Variants in RBFOX1 observed in about 807,000 individuals in gnomAD.
RBFOX1 encodes the protein RNA binding fox-1 homolog 1, also known as RNA binding protein fox-1 homolog 1.
In RBFOX1, 8 loss-of-function variants were observed where a neutral mutation model predicts 57.7. The ratio of observed to expected loss-of-function variants is 0.14; its 90% CI spans 0.08 to 0.25. RBFOX1 has a LOEUF of 0.25. RBFOX1 is among the 10% of genes least tolerant of loss of function. The probability of loss-of-function intolerance (pLI) is 1.00; values close to 1 mark genes in which losing one functional copy is unlikely to be tolerated. For synonymous variants in RBFOX1, 326 were observed against 222.4 expected (o/e 1.47, Z -4.15); for missense variants, 611 against 548.5 (o/e 1.11, Z -1.14).
At chr16:7,246,274 C>G (rs1359412140) in intron 4 of RBFOX1, among the ~76,000 whole-genome samples, 3 of 152,130 alleles carry the variant, frequency 2.0e-5, no homozygotes, top group African/African-American at 7.2e-5. Flanking sequence ...CCAATGCAAT[C>G]CAATTGCCTC....
At chr16:6,495,200 C>G (rs1389875668) in intron 2 of RBFOX1, among the ~76,000 whole-genome samples, 3 of 152,160 alleles carry the variant, frequency 2.0e-5, no homozygotes, top group African/African-American at 4.8e-5. Flanking sequence ...CTCATTGCAA[C>G]TTCTGCCTCC....
At chr16:6,056,166 A>G (rs1034212363) in intron 1 of RBFOX1, among the ~76,000 whole-genome samples, 4 of 152,132 alleles carry the variant, frequency 2.6e-5, no homozygotes, top group African/African-American at 7.2e-5. Context: ...CAGCTCCCCA[A>G]GGTGTTTGTC....
At chr16:7,310,568 C>G (rs1359937543) in intron 4 of RBFOX1, among the ~76,000 whole-genome samples, 1 of 152,124 alleles carries the variant, frequency 6.6e-6, no homozygotes, top group East Asian at 1.9e-4. Flanking sequence ...TTGTCATGGT[C>G]CAGTATTTCT....
rs1033704368 is a variant in RBFOX1, at chr16:6,749,172, G to T, written c.-16+94522G>T. Among the ~76,000 whole-genome samples the T allele has an allele frequency of 3.9e-5, 6 of 152,174 alleles. No homozygotes were observed. In the East Asian group the frequency reaches 1.2e-3, roughly 29 times the overall value. On this transcript the variant is annotated intron_variant, in intron 3 of 15. Transcript: ENST00000550418. ...TCGAGAGAAAAAGTTATGGTCTCAGGCAGATCTGAGTTTGGATCCTGCTCT... is the reference window on the plus strand; with the variant it reads ...TCGAGAGAAAAAGTTATGGTCTCAGTCAGATCTGAGTTTGGATCCTGCTCT...
chr16:6,750,267 C>G (rs1247379100), intron 3 of RBFOX1, among the ~76,000 whole-genome samples: 3 of 152,146 alleles, frequency 2.0e-5, no homozygotes, highest in African/African-American at 7.2e-5. Context: ...GCTGTTAAGT[C>G]ATTTGTATTG....
In RBFOX1 at chr16:5,589,270, G is replaced by C. The variant is rs141886251; in HGVS notation, c.259-9632G>C. ...ACCAAGGGAATGCTTCTGTTCCTTT[G>C]CATGGTTTGTACAAGGAAGTGTGGT... On this transcript the variant is annotated intron_variant, in intron 2 of 2. Coordinates refer to the RBFOX1 transcript ENST00000585867. Among the ~76,000 whole-genome samples the C allele has an allele frequency of 5.1e-3, 773 of 152,256 alleles. 6 individuals carry two copies. Among genetic ancestry groups the C allele is most frequent in the Middle Eastern group, 0.01 (3 of 294 alleles).
At chr16:5,826,806 C>A (rs1199536682) in intron 3 of RBFOX1, among the ~76,000 whole-genome samples, 1 of 152,146 alleles carries the variant, frequency 6.6e-6, no homozygotes, top group African/African-American at 2.4e-5. Flanking sequence ...ATTATTTATT[C>A]ATTTGTTAAC....
rs1567239245 is a variant in RBFOX1 at position 5,999,904 on chromosome 16, AAAAGAG to A, written c.351+132570_351+132575del. Among the ~76,000 whole-genome samples the A allele has an allele frequency of 2.8e-4, 10 of 36,180 alleles. 2 individuals are homozygous for A. The highest frequency in any genetic ancestry group is 2.7e-3 in the East Asian group (5 of 1,856). 23.7% of individuals were successfully genotyped at this position (36,180 alleles called of 152,430 possible). A position where few individuals can be genotyped will look rare whatever the true frequency, so the allele number is the denominator to read the frequency against. On this transcript the variant is annotated intron_variant, in intron 4 of 19. Transcript: ENST00000641259. ...AAAAAAAAAAAAAAAAAAAAAAAAA[AAAAGAG>A]TGAAGAAGGGAAATCAGACAAGGAA...
intron 1 of RBFOX1, among the ~76,000 whole-genome samples, chr16:5,454,935 C>G (rs2068565364): frequency 3.7e-4 from 15 of 40,176 alleles, no homozygotes; most frequent in African/African-American, 1.0e-3. Flanking sequence ...TTCTTCCTTC[C>G]TTCCTTCCTT....
At chr16:7,475,764 G>A (rs1215834137) in intron 4 of RBFOX1, among the ~76,000 whole-genome samples, 1 of 152,156 alleles carries the variant, frequency 6.6e-6, no homozygotes, top group Non-Finnish European at 1.5e-5. Flanking sequence ...ATGAGAATTT[G>A]ATTGTGTTAA....
rs1487244412 is a variant in RBFOX1 at position 7,504,739 on chromosome 16, A to ATATT, written c.28-13405_28-13404insTTAT. On this transcript the variant is annotated intron_variant, in intron 4 of 15. Transcript: ENST00000550418. ...TATATATATATATATATATATATAT[A>ATATT]TATATATATATATATTTATATATAT... Among the ~76,000 whole-genome samples the ATATT allele has an allele frequency of 8.8e-3, 69 of 7,836 alleles. 2 individuals are homozygous for ATATT. Among genetic ancestry groups the ATATT allele is most frequent in the African/African-American group, 0.016 (30 of 1,886 alleles). 5.1% of individuals were successfully genotyped at this position (7,836 alleles called of 152,430 possible).
intron 3 of RBFOX1, among the ~76,000 whole-genome samples, chr16:7,028,060 G>A (rs77794981): frequency 0.017 from 2,640 of 152,194 alleles, 37 homozygotes; most frequent in Non-Finnish European, 0.025. Context: ...GAAAGTGTTC[G>A]CAGCCCTGAG....
chr16:6,925,109 G>GTTTTGTTTT (rs2075301831), intron 3 of RBFOX1, among the ~76,000 whole-genome samples: 1 of 45,216 alleles, frequency 2.2e-5, no homozygotes, highest in Non-Finnish European at 4.0e-5. Context: ...TAGGTTGTTG[G>GTTTTGTTTT]TTTTTTTTTT....
At chr16:6,863,841 C>T (rs530055013) in intron 3 of RBFOX1, among the ~76,000 whole-genome samples, 1 of 147,600 alleles carries the variant, frequency 6.8e-6, no homozygotes, top group Admixed American at 6.9e-5. Flanking sequence ...AATCAGGTAA[C>T]CAGAAACAAA....
intron 3 of RBFOX1, among the ~76,000 whole-genome samples, chr16:6,993,379 G>A (rs187059520): frequency 9.2e-5 from 14 of 152,164 alleles, no homozygotes; most frequent in South Asian, 2.1e-4. Context: ...AGCTCCTTTC[G>A]GTAATAAATT....
intron 2 of RBFOX1, among the ~76,000 whole-genome samples, chr16:5,528,812 G>T (rs540360838): frequency 6.6e-6 from 1 of 151,994 alleles, no homozygotes; most frequent in East Asian, 1.9e-4. Flanking sequence ...ACCATGCTTG[G>T]CTAATTTTTG....
intron 1 of RBFOX1, among the ~76,000 whole-genome samples, chr16:6,220,688 T>C (rs2097366850): frequency 6.6e-6 from 1 of 150,792 alleles, no homozygotes; most frequent in East Asian, 2.0e-4. Context: ...AGATGTATTT[T>C]TCATTAAAAA....
intron 2 of RBFOX1, among the ~76,000 whole-genome samples, chr16:6,385,869 C>A (rs1045410796): frequency 2.0e-5 from 3 of 151,656 alleles, no homozygotes; most frequent in Admixed American, 6.6e-5. Flanking sequence ...CCAATGAGAT[C>A]TTTGTATGGG....
intron 1 of RBFOX1, among the ~76,000 whole-genome samples, chr16:6,233,410 C>G (rs955837570): frequency 5.3e-5 from 8 of 152,164 alleles, no homozygotes; most frequent in African/African-American, 1.9e-4. Context: ...ACCCCTGCAC[C>G]CCACTCGTCC....
Sources: gnomAD v4.1 joint callset for allele counts (sites outside exome capture counted in the v4.1 genomes callset) on GRCh38, gnomAD v4.1.1 for gene constraint, MANE v1.5 for transcripts, NCBI Gene and HGNC (gene_info 2026-07-23, HGNC 2026-07-21) for gene names.